Variants in PCDHA1 observed in about 807,000 individuals in gnomAD.
The protein encoded by PCDHA1 is protocadherin alpha 1, also known as protocadherin alpha-1.
A neutral mutation model predicts 61.3 loss-of-function variants in PCDHA1; 42 were observed. The ratio of observed to expected loss-of-function variants is 0.69; its 90% CI spans 0.54 to 0.89. PCDHA1 has a LOEUF of 0.89. PCDHA1 is among the 40% of genes least tolerant of loss of function. PCDHA1 has a pLI of 0.00. For synonymous variants in PCDHA1, 610 were observed against 553.8 expected (o/e 1.10, Z -1.43); for missense variants, 1,256 against 1,235.3 (o/e 1.02, Z -0.25).
Position 140,858,496 on chromosome 5 carries a change from C to T in PCDHA1, c.2394+69812C>T, listed in dbSNP as rs1554151697. 7 of 1,479,962 alleles carry T rather than the reference C, an allele frequency of 4.7e-6. 1 individual carries two copies. 91.7% of individuals were successfully genotyped at this position (1,479,962 alleles called of 1,614,324 possible). ...TTATGAATAATATTTTCTCTTACCG[C>T]ATTTTCTCAAATATGTATCAGAATA... is the stretch of plus-strand genomic sequence containing the variant. On this transcript the variant is annotated intron_variant, in intron 1 of 3. Transcript: ENST00000504120.
At chr5:140,875,543 G>A in intron 1 of PCDHA1, 1 of 1,614,164 alleles carries the variant, frequency 6.2e-7, no homozygotes, top group Non-Finnish European at 8.5e-7. Flanking sequence ...CTTGCAGCCT[G>A]GGAGGTGGGG....
intron 1 of PCDHA1, among the ~76,000 whole-genome samples, chr5:140,976,886 AC>A (rs2096735847): frequency 6.6e-6 from 1 of 152,232 alleles, no homozygotes; most frequent in African/African-American, 2.4e-5. Flanking sequence ...GAATTAGGAT[AC>A]ATGCAACAGT....
chr5:140,815,310 T>C (rs1765694011), intron 1 of PCDHA1: 1 of 152,170 alleles, frequency 6.6e-6, no homozygotes, highest in South Asian at 2.1e-4. Context: ...TTGAGAATTG[T>C]AATGCTATGT....
At chr5:140,975,543 T>C (rs1276340507) in intron 1 of PCDHA1, among the ~76,000 whole-genome samples, 2 of 152,206 alleles carry the variant, frequency 1.3e-5, no homozygotes, top group African/African-American at 4.8e-5. Context: ...AATACAGTCC[T>C]ATTAGGAAGG....
intron 1 of PCDHA1, chr5:140,848,457 G>A (rs1030799361): frequency 6.5e-7 from 1 of 1,527,596 alleles, no homozygotes; most frequent in African/African-American, 1.4e-5. Context: ...CTAATTTGGA[G>A]GCAATTTTCA....
rs782186555 is a variant in PCDHA1 at position 140,803,059 on chromosome 5, C to T, written c.2394+14375C>T. On this transcript the variant is annotated intron_variant, in intron 1 of 3. Transcript: ENST00000504120. The stretch of plus-strand genomic sequence containing the variant: ...CCTGGGACCGGCGGTGCGCGCATCC[C>T]GTTTCGCGTGGGGCTGTACACGGGA... The T allele has an allele frequency of 3.1e-6, 5 of 1,613,996 alleles. No homozygotes were observed. The Middle Eastern group carries it at 4.9e-4, about 160-fold the overall frequency.
chr5:140,837,350 T>C (rs1318218282), intron 1 of PCDHA1, among the ~76,000 whole-genome samples: 1 of 152,032 alleles, frequency 6.6e-6, no homozygotes, highest in Non-Finnish European at 1.5e-5. Context: ...TAAAATAGTT[T>C]AAATGGCAGT....
chr5:140,942,588 A>G lies in PCDHA1; in HGVS notation c.2395-36361A>G, dbSNP rs1416575390. Among the ~76,000 whole-genome samples the G allele has an allele frequency of 2.0e-5, 3 of 149,704 alleles. No homozygotes were observed. The East Asian group carries it at 5.9e-4, about 29-fold the overall frequency. ...AAAATCTTCCCATATAGGATGTCAC[A>G]TATAATTATAGTGTTTATATTTGCC... On this transcript the variant is annotated intron_variant, in intron 1 of 3. Transcript: ENST00000504120.
At chr5:140,941,666 C>G (rs1029878263) in intron 1 of PCDHA1, among the ~76,000 whole-genome samples, 4 of 152,004 alleles carry the variant, frequency 2.6e-5, no homozygotes, top group Non-Finnish European at 4.4e-5. Context: ...AATTTTATGT[C>G]AAGTTCAATA....
chr5:140,807,156 A>G, intron 1 of PCDHA1: 2 of 1,589,232 alleles, frequency 1.3e-6, no homozygotes, highest in Non-Finnish European at 1.7e-6. Flanking sequence ...GAGAAACGAT[A>G]TTTAATCAGA....
At chr5:140,876,395 T>G in intron 1 of PCDHA1, 1 of 1,613,920 alleles carries the variant, frequency 6.2e-7, no homozygotes, top group Non-Finnish European at 8.5e-7. Flanking sequence ...TATGGTGAAC[T>G]GGATTTTGAA....
chr5:140,948,637 T>C (rs2094284946), intron 1 of PCDHA1, among the ~76,000 whole-genome samples: 1 of 151,712 alleles, frequency 6.6e-6, no homozygotes, highest in Non-Finnish European at 1.5e-5. Context: ...TATTCTCTCA[T>C]CTTTTAACGT....
At chr5:140,998,136 C>T (rs2153950850) in intron 3 of PCDHA1, among the ~76,000 whole-genome samples, 1 of 152,308 alleles carries the variant, frequency 6.6e-6, no homozygotes, top group South Asian at 2.1e-4. Context: ...TAATAGCTAA[C>T]CTGTACTGAA....
intron 1 of PCDHA1, chr5:140,829,518 C>T (rs782037599): frequency 1.9e-6 from 3 of 1,613,400 alleles, no homozygotes; most frequent in African/African-American, 2.7e-5. Flanking sequence ...CACATCTTCA[C>T]GGTGTCTGCG....
intron 1 of PCDHA1, among the ~76,000 whole-genome samples, chr5:140,905,903 G>A (rs2072195312): frequency 6.6e-6 from 1 of 152,184 alleles, no homozygotes; most frequent in African/African-American, 2.4e-5. Flanking sequence ...AAGCTGAGGA[G>A]CAAGGAATCC....
At chr5:140,823,142 A>G in intron 1 of PCDHA1, 1 of 1,613,792 alleles carries the variant, frequency 6.2e-7, no homozygotes, top group Non-Finnish European at 8.5e-7. Context: ...GCGTTCGCGC[A>G]GCCCCAGTAT....
intron 3 of PCDHA1, among the ~76,000 whole-genome samples, chr5:141,008,972 C>T (rs1554261973): frequency 6.6e-6 from 1 of 152,148 alleles, no homozygotes; most frequent in African/African-American, 2.4e-5. Context: ...CATTTATAGC[C>T]AAAGTTTAAT....
intron 1 of PCDHA1, among the ~76,000 whole-genome samples, chr5:140,915,626 G>GTTTCTC (rs149393620): frequency 6.8e-6 from 1 of 146,436 alleles, no homozygotes; most frequent in African/African-American, 2.5e-5. Context: ...GTCTCTTTCT[G>GTTTCTC]TCTCTCTCTC....
chr5:140,979,961 C>G (rs1554241296), intron 2 of PCDHA1, among the ~76,000 whole-genome samples: 1 of 152,054 alleles, frequency 6.6e-6, no homozygotes, highest in Non-Finnish European at 1.5e-5. Context: ...TAGTTTTAGC[C>G]CATTAAAATG....
Sources: allele counts gnomAD v4.1 joint callset (sites outside exome capture counted in the v4.1 genomes callset), GRCh38; gene constraint gnomAD v4.1.1; transcripts MANE v1.5; gene names NCBI Gene and HGNC (gene_info 2026-07-23, HGNC 2026-07-21).